The following MS4A7 variants were observed in gnomAD, a reference collection of about 807,000 sequenced individuals.
The protein encoded by MS4A7 is membrane-spanning 4-domains subfamily A member 7.
A neutral mutation model predicts 23.5 loss-of-function variants in MS4A7; 21 were observed. The ratio of observed to expected loss-of-function variants is 0.89; its 90% CI spans 0.63 to 1.29. The LOEUF is 1.29. Ranked by LOEUF, MS4A7 falls within the 50% of genes most tolerant of loss-of-function variation. The probability of loss-of-function intolerance (pLI) is 0.00; values close to 1 mark genes in which losing one functional copy is unlikely to be tolerated. For missense variants in MS4A7, 263 were observed against 274.2 expected (o/e 0.96, Z 0.29); for synonymous variants, 111 against 107.4 (o/e 1.03, Z -0.21).
At chr11:60,379,787 G>A (rs182756196) in intron 1 of MS4A7, among the ~76,000 whole-genome samples, 52 of 152,086 alleles carry the variant, frequency 3.4e-4, no homozygotes, top group Middle Eastern at 3.4e-3. Flanking sequence ...TGCCCGCCTC[G>A]GCCTCCCAAA....
At position 60,385,080 on chromosome 11, in the gene MS4A7, T is replaced by C. The variant is rs2085470031; in HGVS notation, c.148-8T>C. On this transcript the variant is annotated splice_polypyrimidine_tract_variant and splice_region_variant and intron_variant, in intron 2 of 6. Transcript: ENST00000300184. ...TGCAGTCTAGATTTCCTGTCTTCTC[T>C]CTTGTAGACTGTCCAGATCCTGTGT... 1 of 1,613,212 alleles carries C rather than the reference T, an allele frequency of 6.2e-7. No individual in the cohort carries two copies.
rs777288849 is a variant in MS4A7 at position 60,389,602 on chromosome 11, T to C, written c.546+6T>C. The C allele has an allele frequency of 9.9e-6, 16 of 1,609,208 alleles. No homozygotes were observed. The South Asian group carries it at 1.4e-4, about 14-fold the overall frequency. ...TGACCAGTGTCAGTTTAACAGTGAG[T>C]AGTTTCAGACTGAATATCCTGTCAT... On this transcript the variant is annotated splice_donor_region_variant and intron_variant, in intron 5 of 6. Coordinates refer to ENST00000300184, the MANE Select transcript of MS4A7 (RefSeq NM_021201.5).
At chr11:60,386,920 T>C (rs2085497296) in intron 4 of MS4A7, 147 bp downstream of exon 4, 5 of 670,388 alleles carry the variant, frequency 7.5e-6, no homozygotes, top group Non-Finnish European at 1.2e-5. Flanking sequence ...GGCTGTCCCA[T>C]TGGTAGAACC....
intron 2 of MS4A7, among the ~76,000 whole-genome samples, chr11:60,384,030 G>T (rs1230540690): frequency 6.6e-6 from 1 of 152,126 alleles, no homozygotes; most frequent in Non-Finnish European, 1.5e-5. Context: ...AAGTGTCCCA[G>T]ATCATCATCC....
Position 60,395,235 on chromosome 11 carries a change from G to A in MS4A7, c.*1374G>A, listed in dbSNP as rs923150490. On this transcript the variant is annotated 3_prime_UTR_variant, in exon 7 of 7. Transcript: ENST00000300184. ...CTGTGTGAGCCTCTGCATTAAACTC[G>A]ATTTCTTGGGCAATTATGGAAATTC... is the stretch of plus-strand genomic sequence containing the variant. The A allele has an allele frequency of 2.5e-5, 7 of 276,476 alleles. No individual in the cohort carries two copies. Among genetic ancestry groups the A allele is most frequent in the Non-Finnish European group, 4.7e-5 (7 of 149,736 alleles). 17.1% of individuals were successfully genotyped at this position (276,476 alleles called of 1,614,324 possible).
chr11:60,394,902 T>C lies in MS4A7; in HGVS notation c.*1041T>C. ...GAATAAAATAAAATAAAAAAGAATA[T>C]TCAGTCGTTGGCACATAAACTATGT... On this transcript the variant is annotated 3_prime_UTR_variant, in exon 7 of 7. Transcript: ENST00000300184. The C allele has an allele frequency of 1.8e-6, 1 of 563,710 alleles. No individual in the cohort carries two copies. The highest frequency in any genetic ancestry group is 3.2e-6 in the Non-Finnish European group (1 of 314,728). 34.9% of individuals were successfully genotyped at this position (563,710 alleles called of 1,614,324 possible). A position where few individuals can be genotyped will look rare whatever the true frequency, so the allele number is the denominator to read the frequency against.
intron 3 of MS4A7, 41 bp from the exon 4 acceptor site, chr11:60,386,674 CCA>C (rs1442515640): frequency 1.3e-6 from 2 of 1,535,192 alleles, no homozygotes; most frequent in African/African-American, 2.7e-5. Context: ...GGGCACATTT[CCA>C]CAAGACAACT....
At chr11:60,390,379 G>A (rs2085538328) in intron 5 of MS4A7, among the ~76,000 whole-genome samples, 1 of 152,166 alleles carries the variant, frequency 6.6e-6, no homozygotes, top group African/African-American at 2.4e-5. Flanking sequence ...GGCCTTTTAA[G>A]AAGAAAGACT....
At chr11:60,390,609 T>C (rs2085540391) in intron 5 of MS4A7, among the ~76,000 whole-genome samples, 1 of 151,958 alleles carries the variant, frequency 6.6e-6, no homozygotes, top group African/African-American at 2.4e-5. Flanking sequence ...GGAAACCCAG[T>C]AGATAGTGTC....
intron 1 of MS4A7, among the ~76,000 whole-genome samples, chr11:60,379,745 C>T (rs1457424218): frequency 2.6e-5 from 4 of 151,982 alleles, no homozygotes; most frequent in African/African-American, 4.8e-5. Context: ...ATGTTGGCCA[C>T]GCTGGTCTTG....
intron 3 of MS4A7, among the ~76,000 whole-genome samples, chr11:60,385,492 C>T (rs1260603010): frequency 6.6e-6 from 1 of 152,216 alleles, no homozygotes; most frequent in Non-Finnish European, 1.5e-5. Context: ...TTACAGCATA[C>T]CTCTAGAAAA....
At chr11:60,393,693 A>G (rs1034139523) in intron 6 of MS4A7, 94 bp from the exon 7 acceptor site, 27 of 827,656 alleles carry the variant, frequency 3.3e-5, no homozygotes, top group Non-Finnish European at 4.8e-5. Flanking sequence ...AAGAACTAGT[A>G]CTACACAAAA....
chr11:60,391,106 A>T (rs1323692541), intron 5 of MS4A7, among the ~76,000 whole-genome samples: 1 of 152,226 alleles, frequency 6.6e-6, no homozygotes, highest in Non-Finnish European at 1.5e-5. Flanking sequence ...CATAAAGCTC[A>T]TATGGAGTAC....
At chr11:60,383,374 CTCTT>C (rs2085450699) in intron 2 of MS4A7, 86 bp downstream of exon 2, 3 of 1,466,280 alleles carry the variant, frequency 2.0e-6, no homozygotes, top group African/African-American at 1.4e-5. Context: ...GTCTGGGAAA[CTCTT>C]TCACTCTTTT....
rs74966252 is a variant in MS4A7, at chr11:60,386,565, G to T, written c.283-152G>T. On this transcript the variant is annotated intron_variant, in intron 3 of 6. Transcript: ENST00000300184. ...CATTCTTATATCAGGTGGGAATTAG[G>T]CCTATCTAGCAATATAGATCCACAA... 1,886 of 599,924 alleles carry T rather than the reference G, an allele frequency of 3.1e-3. 32 individuals carry two copies. In the African/African-American group the frequency reaches 0.032, roughly 10 times the overall value. 37.2% of individuals were successfully genotyped at this position (599,924 alleles called of 1,614,324 possible). A position where few individuals can be genotyped will look rare whatever the true frequency, so the allele number is the denominator to read the frequency against.
intron 2 of MS4A7, among the ~76,000 whole-genome samples, chr11:60,384,536 C>G (rs1360199824): frequency 2.0e-5 from 3 of 152,166 alleles, no homozygotes; most frequent in African/African-American, 7.2e-5. Flanking sequence ...TTTTATTTCT[C>G]CTATGTTTGC....
In MS4A7 at chr11:60,383,232, T is replaced by C. The variant is rs545087008; in HGVS notation, c.91T>C (p.Tyr31His). 2 of 1,614,162 alleles carry C rather than the reference T, an allele frequency of 1.2e-6. No homozygotes were observed. Among genetic ancestry groups the C allele is most frequent in the Non-Finnish European group, 1.7e-6 (2 of 1,180,014 alleles). Residue 31 changes from tyrosine to histidine, a missense_variant, in exon 2 of 7, where the codon TAC becomes CAC. Tyr to His is a moderately conservative substitution (Grantham distance 83, BLOSUM62 2). Transcript: ENST00000300184. ...TCAAAGAGAGAAACCTGGACACATGTACCAAAACGAAGATTACCTGCAGAA... is the reference window on the plus strand; with the variant it reads ...TCAAAGAGAGAAACCTGGACACATGCACCAAAACGAAGATTACCTGCAGAA... ...IPQREKPGHM[Y>H]QNEDYLQNGL...
chr11:60,389,651 T>G, intron 5 of MS4A7, 55 bp downstream of exon 5: 1 of 1,498,764 alleles, frequency 6.7e-7, no homozygotes, highest in African/African-American at 1.4e-5. Flanking sequence ...GTCTCCCCTT[T>G]GCATACTCTC....
At chr11:60,379,109 A>G (rs1257076715) in intron 1 of MS4A7, among the ~76,000 whole-genome samples, 4 of 152,206 alleles carry the variant, frequency 2.6e-5, no homozygotes, top group Non-Finnish European at 4.4e-5. Flanking sequence ...CTATCTCCTC[A>G]AGGCGAATGT....
Sources: gnomAD v4.1 joint callset for allele counts (sites outside exome capture counted in the v4.1 genomes callset) on GRCh38, gnomAD v4.1.1 for gene constraint, MANE v1.5 for transcripts, NCBI Gene and HGNC (gene_info 2026-07-23, HGNC 2026-07-21) for gene names.